EHMT1: variants seen among roughly 807,000 people sequenced by gnomAD.
The protein encoded by EHMT1 is euchromatic histone lysine methyltransferase 1, also known as histone-lysine N-methyltransferase EHMT1.
Under a neutral mutation model 147.2 loss-of-function variants are expected in EHMT1, and 15 were observed. The ratio of observed to expected loss-of-function variants is 0.10; its 90% CI spans 0.07 to 0.16. The LOEUF (loss-of-function observed/expected upper bound fraction) is 0.16. EHMT1 is among the 10% of genes least tolerant of loss of function. The pLI, the probability that EHMT1 is intolerant of heterozygous loss-of-function variation, is 1.00. For synonymous variants in EHMT1, 795 were observed against 709.6 expected (o/e 1.12, Z -1.91); for missense variants, 1,587 against 1,772.4 (o/e 0.90, Z 1.88).
intron 25 of EHMT1, among the ~76,000 whole-genome samples, chr9:137,822,043 A>G (rs1315853086): frequency 6.6e-6 from 1 of 152,240 alleles, no homozygotes; most frequent in East Asian, 1.9e-4. Flanking sequence ...GCCACAGTCA[A>G]GATATGGAGC....
intron 3 of EHMT1, among the ~76,000 whole-genome samples, chr9:137,726,615 C>G (rs1332778138): frequency 6.6e-6 from 1 of 152,150 alleles, no homozygotes. Context: ...ACCCTGCTTT[C>G]AGTGCTGCTG....
intron 1 of EHMT1, among the ~76,000 whole-genome samples, chr9:137,667,923 T>C (rs1046090092): frequency 6.6e-6 from 1 of 152,210 alleles, no homozygotes; most frequent in African/African-American, 2.4e-5. Context: ...AAATTATCTT[T>C]ACCTTCAGGG....
At chr9:137,686,730 C>CTTTT (rs34204547) in intron 1 of EHMT1, among the ~76,000 whole-genome samples, 6 of 111,004 alleles carry the variant, frequency 5.4e-5, no homozygotes, top group East Asian at 2.7e-4. Context: ...CTCATTCTTT[C>CTTTT]TTTTTTTTTT....
At chr9:137,680,377 G>A (rs1447495803) in intron 1 of EHMT1, among the ~76,000 whole-genome samples, 2 of 152,164 alleles carry the variant, frequency 1.3e-5, no homozygotes, top group Non-Finnish European at 2.9e-5. Context: ...GGAGGCCGAG[G>A]CATGAGAGTC....
At chr9:137,640,030 GT>G in intron 1 of EHMT1, among the ~76,000 whole-genome samples, 1 of 152,082 alleles carries the variant, frequency 6.6e-6, no homozygotes, top group East Asian at 1.9e-4. Flanking sequence ...TGCCTCCCGG[GT>G]TCGAGTGATT....
In EHMT1 at chr9:137,716,753, G is replaced by A; in HGVS notation, c.213G>A (p.Lys71=). ...SDASSHANAA[K]HTQDSARVNP... is the part of the protein sequence containing the mutation. ...CCAGCAGTCATGCAAATGCTGCAAA[G>A]CACACTCAGGACAGCGCAAGGGTCA... is the stretch of plus-strand genomic sequence containing the variant. The change falls in exon 3 of 27, where the codon AAG becomes AAA. Residue 71 remains lysine (K), a synonymous_variant. Transcript: ENST00000460843. 1 of 1,612,974 alleles carries A rather than the reference G, an allele frequency of 6.2e-7. No individual in the cohort carries two copies. The highest frequency in any genetic ancestry group is 1.1e-5 in the South Asian group (1 of 91,090).
chr9:137,753,174 G>A (rs569748334), intron 7 of EHMT1, among the ~76,000 whole-genome samples: 3 of 152,264 alleles, frequency 2.0e-5, no homozygotes, highest in Non-Finnish European at 4.4e-5. Flanking sequence ...AGCTCGGCAA[G>A]TTTGGGTCAC....
At chr9:137,751,805 C>A (rs1017040611) in intron 6 of EHMT1, among the ~76,000 whole-genome samples, 2 of 152,186 alleles carry the variant, frequency 1.3e-5, no homozygotes, top group Admixed American at 6.5e-5. Flanking sequence ...CCACGTCTGC[C>A]TGGATGTTCA....
chr9:137,721,992 T>C (rs77549900), intron 3 of EHMT1, among the ~76,000 whole-genome samples: 1 of 151,960 alleles, frequency 6.6e-6, no homozygotes, highest in Non-Finnish European at 1.5e-5. Context: ...TTTTTTTTTT[T>C]TCAGTCTTAC....
At chr9:137,811,674 A>C in intron 19 of EHMT1, 59 bp downstream of exon 19, 2 of 1,596,606 alleles carry the variant, frequency 1.3e-6, no homozygotes, top group Non-Finnish European at 1.7e-6. Context: ...GCGCCCAGAG[A>C]GACCGCTTGA....
At chr9:137,656,843 C>T (rs745882857) in intron 1 of EHMT1, among the ~76,000 whole-genome samples, 5 of 152,106 alleles carry the variant, frequency 3.3e-5, no homozygotes, top group African/African-American at 4.8e-5. Flanking sequence ...CAGGTTCAAG[C>T]GATTCTCCTG....
chr9:137,728,673 G>C (rs1243122468), intron 4 of EHMT1, 144 bp downstream of exon 4: 2 of 1,050,760 alleles, frequency 1.9e-6, no homozygotes, highest in African/African-American at 3.1e-5. Context: ...TCCTGTGCTC[G>C]CCTGTATGCC....
intron 10 of EHMT1, among the ~76,000 whole-genome samples, chr9:137,768,907 G>T (rs59781714): frequency 0.037 from 5,599 of 151,270 alleles, 152 homozygotes; most frequent in Middle Eastern, 0.072. Context: ...GGCTGGTCTC[G>T]AACTCCTGAG....
intron 1 of EHMT1, among the ~76,000 whole-genome samples, chr9:137,675,656 CAG>C (rs1941194805): frequency 1.7e-5 from 2 of 114,914 alleles, no homozygotes; most frequent in East Asian, 5.2e-4. Flanking sequence ...TTTTTTGAGA[CAG>C]AGTCTCGCTC....
chr9:137,789,519 G>A (rs1952334768), intron 15 of EHMT1, among the ~76,000 whole-genome samples: 2 of 152,128 alleles, frequency 1.3e-5, no homozygotes, highest in Admixed American at 6.5e-5. Flanking sequence ...GACTTCTGAC[G>A]CTACTTTACC....
At chr9:137,754,435 TAG>T in intron 8 of EHMT1, 144 bp downstream of exon 8, 1 of 1,225,404 alleles carries the variant, frequency 8.2e-7, no homozygotes, top group Non-Finnish European at 1.1e-6. Flanking sequence ...ATGACTTTGT[TAG>T]AGAAACTCAA....
At chr9:137,647,716 T>G (rs1465957446) in intron 1 of EHMT1, among the ~76,000 whole-genome samples, 1 of 151,672 alleles carries the variant, frequency 6.6e-6, no homozygotes, top group Non-Finnish European at 1.5e-5. Context: ...TGTCTCAGCC[T>G]TCCGAGTAGC....
chr9:137,815,821 T>G (rs1027277615), intron 22 of EHMT1, 126 bp from the exon 23 acceptor site: 9 of 816,222 alleles, frequency 1.1e-5, no homozygotes, highest in Non-Finnish European at 1.9e-5. Context: ...TGTTCAAGTT[T>G]GGCCAGAAAC....
intron 1 of EHMT1, among the ~76,000 whole-genome samples, chr9:137,651,848 A>G (rs1335739449): frequency 6.6e-6 from 1 of 152,190 alleles, no homozygotes; most frequent in Non-Finnish European, 1.5e-5. Context: ...TGCCCAGGAC[A>G]TGCTAAAGCT....
Sources: gnomAD v4.1 joint callset for allele counts (sites outside exome capture counted in the v4.1 genomes callset) on GRCh38, gnomAD v4.1.1 for gene constraint, MANE v1.5 for transcripts, NCBI Gene and HGNC (gene_info 2026-07-23, HGNC 2026-07-21) for gene names.